ETNK1: variants seen among roughly 807,000 people sequenced by gnomAD.
The protein encoded by ETNK1 is ethanolamine kinase 1.
In ETNK1, 8 loss-of-function variants were observed where a neutral mutation model predicts 45.1. The observed-to-expected ratio is 0.18, with a 90% CI of 0.10 to 0.32. ETNK1 has a LOEUF of 0.32. ETNK1 is among the 10% of genes least tolerant of loss of function. The probability of loss-of-function intolerance (pLI) is 1.00; values close to 1 mark genes in which losing one functional copy is unlikely to be tolerated. For missense variants in ETNK1, 302 were observed against 430.6 expected, an observed-to-expected ratio of 0.70 and a Z score of 2.64; for synonymous variants, 152 against 151.9, an observed-to-expected ratio of 1.00 and a Z score of -0.01.
At chr12:22,625,963 A>C (rs1426255811) in intron 1 of ETNK1, 1 of 490,420 alleles carries the variant, frequency 2.0e-6, no homozygotes, top group Non-Finnish European at 4.0e-6. Context: ...CCCTCCCACC[A>C]GTAATGCAGT....
intron 2 of ETNK1, among the ~76,000 whole-genome samples, chr12:22,646,089 T>G (rs1477053321): frequency 6.6e-6 from 1 of 151,852 alleles, no homozygotes; most frequent in Non-Finnish European, 1.5e-5. Context: ...AAGAACCCTG[T>G]ATGATAGGAT....
intron 3 of ETNK1, 57 bp downstream of exon 3, chr12:22,659,211 G>T: frequency 1.3e-6 from 2 of 1,488,738 alleles, no homozygotes; most frequent in Non-Finnish European, 1.8e-6. Flanking sequence ...CTATGATAGG[G>T]TTTCAAAGGT....
At chr12:22,667,162 C>A (rs945392366) in intron 4 of ETNK1, among the ~76,000 whole-genome samples, 1 of 151,946 alleles carries the variant, frequency 6.6e-6, no homozygotes, top group African/African-American at 2.4e-5. Context: ...GAAAGAGTGA[C>A]CTAATATAGG....
chr12:22,671,841 TA>T (rs555930582), intron 5 of ETNK1, among the ~76,000 whole-genome samples: 250 of 98,236 alleles, frequency 2.5e-3, no homozygotes, highest in Middle Eastern at 5.4e-3. Flanking sequence ...TCCATCTCAT[TA>T]AAAAAAAAAA....
intron 6 of ETNK1, among the ~76,000 whole-genome samples, chr12:22,676,253 T>C (rs747218798): frequency 5.3e-5 from 8 of 152,008 alleles, no homozygotes; most frequent in Non-Finnish European, 1.0e-4. Context: ...AGTGAGAAAA[T>C]GTGGTGTTTG....
intron 2 of ETNK1, among the ~76,000 whole-genome samples, chr12:22,648,574 A>G (rs1953836095): frequency 6.6e-6 from 1 of 151,932 alleles, no homozygotes; most frequent in Non-Finnish European, 1.5e-5. Context: ...GGTTCTGAAT[A>G]ATGTTTCATT....
chr12:22,661,239 ATTTCT>A (rs773738762), intron 4 of ETNK1, 34 bp downstream of exon 4: 7 of 1,551,526 alleles, frequency 4.5e-6, no homozygotes, highest in Non-Finnish European at 6.1e-6. Context: ...AGTAAAATTG[ATTTCT>A]TTTATGTTCT....
chr12:22,681,986 T>G (rs933834688), intron 6 of ETNK1, among the ~76,000 whole-genome samples: 11 of 152,194 alleles, frequency 7.2e-5, no homozygotes, highest in Non-Finnish European at 1.5e-4. Flanking sequence ...ATAATCTGAA[T>G]GTATCAATTA....
rs1405131630 is a variant in ETNK1 at position 22,686,824 on chromosome 12, A to G, written c.*1870A>G. On this transcript the variant is annotated 3_prime_UTR_variant, in exon 8 of 8. Coordinates refer to ENST00000266517, the MANE Select transcript of ETNK1 (RefSeq NM_018638.5). ...TCTGTGGTTAGAACATTTTCATAAA[A>G]CAGATAAAGAATGTGTAATACTCTT... 2 of 150,296 alleles carry G rather than the reference A, an allele frequency of 1.3e-5. No homozygotes were observed. The highest frequency in any genetic ancestry group is 4.9e-5 in the African/African-American group (2 of 41,000). 9.3% of individuals were successfully genotyped at this position (150,296 alleles called of 1,614,324 possible).
chr12:22,657,489 A>G (rs1241583585), intron 2 of ETNK1, among the ~76,000 whole-genome samples: 1 of 151,808 alleles, frequency 6.6e-6, no homozygotes, highest in Non-Finnish European at 1.5e-5. Flanking sequence ...ATATCACTTT[A>G]TTCTGTTTAT....
At chr12:22,633,301 T>C (rs770800064) in intron 1 of ETNK1, among the ~76,000 whole-genome samples, 5 of 152,216 alleles carry the variant, frequency 3.3e-5, no homozygotes, top group Admixed American at 2.6e-4. Flanking sequence ...ACTCCTGGCC[T>C]CAAGCAATCC....
intron 1 of ETNK1, among the ~76,000 whole-genome samples, chr12:22,639,487 G>A (rs141321140): frequency 0.025 from 3,767 of 152,228 alleles, 70 homozygotes; most frequent in Middle Eastern, 0.065. Context: ...GACCAGCCTG[G>A]CCAACATGGC....
chr12:22,635,071 A>G (rs1387873056), intron 1 of ETNK1, among the ~76,000 whole-genome samples: 1 of 152,218 alleles, frequency 6.6e-6, no homozygotes, highest in East Asian at 1.9e-4. Context: ...AGGCGGTCTC[A>G]TGCACACAGC....
chr12:22,645,698 A>AT (rs570709105), intron 2 of ETNK1, among the ~76,000 whole-genome samples: 41 of 149,948 alleles, frequency 2.7e-4, no homozygotes, highest in African/African-American at 8.8e-4. Flanking sequence ...CATCTCAGAC[A>AT]TTTTTTTTTG....
chr12:22,639,672 CAAAA>C (rs61530753), intron 1 of ETNK1, among the ~76,000 whole-genome samples: 2 of 138,568 alleles, frequency 1.4e-5, no homozygotes, highest in South Asian at 4.6e-4. Context: ...CTGAGACTCT[CAAAA>C]AAAAAAAGAG....
chr12:22,644,776 A>C (rs914348237), intron 2 of ETNK1, among the ~76,000 whole-genome samples: 1 of 152,016 alleles, frequency 6.6e-6, no homozygotes, highest in African/African-American at 2.4e-5. Context: ...CATATCATAT[A>C]ACCTCTTGAA....
At chr12:22,652,915 A>G (rs1453174294) in intron 2 of ETNK1, among the ~76,000 whole-genome samples, 1 of 152,144 alleles carries the variant, frequency 6.6e-6, no homozygotes, top group African/African-American at 2.4e-5. Flanking sequence ...CCAAGTATCC[A>G]GTGTGATGAA....
At chr12:22,650,308 T>C (rs1288608717) in intron 2 of ETNK1, among the ~76,000 whole-genome samples, 1 of 151,878 alleles carries the variant, frequency 6.6e-6, no homozygotes, top group Non-Finnish European at 1.5e-5. Flanking sequence ...GGACTTTCAG[T>C]ACAGTGTTAA....
chr12:22,685,643 A>G lies in ETNK1; in HGVS notation c.*689A>G, dbSNP rs1391194255. The G allele has an allele frequency of 6.6e-6, 1 of 151,838 alleles. No homozygotes were observed. The highest frequency in any genetic ancestry group is 1.9e-4 in the East Asian group (1 of 5,190). 9.4% of individuals were successfully genotyped at this position (151,838 alleles called of 1,614,324 possible). A position where few individuals can be genotyped will look rare whatever the true frequency, so the allele number is the denominator to read the frequency against. ...GGCAGTATAAATATAAATATTTACC[A>G]TATAATCTTGGAATAAGTATTAGTT... On this transcript the variant is annotated 3_prime_UTR_variant, in exon 8 of 8. Coordinates refer to ENST00000266517, the MANE Select transcript of ETNK1 (RefSeq NM_018638.5).
Sources: gnomAD v4.1 joint callset for allele counts (sites outside exome capture counted in the v4.1 genomes callset) on GRCh38, gnomAD v4.1.1 for gene constraint, MANE v1.5 for transcripts, NCBI Gene and HGNC (gene_info 2026-07-23, HGNC 2026-07-21) for gene names.